Variants in REC8 observed in about 807,000 individuals in gnomAD.
REC8 encodes the protein REC8 meiotic recombination protein.
A neutral mutation model predicts 78.3 loss-of-function variants in REC8; 42 were observed. The observed-to-expected ratio is 0.54, with a 90% confidence interval of 0.42 to 0.69. The LOEUF (loss-of-function observed/expected upper bound fraction) is 0.69, where lower values mean the gene tolerates loss of function less well. REC8 is among the 30% of genes least tolerant of loss of function. The pLI is 0.00. For synonymous variants in REC8, 268 were observed against 274.1 expected (o/e 0.98, Z 0.22); for missense variants, 581 against 715.8 (o/e 0.81, Z 2.15).
intron 8 of REC8, 27 bp downstream of exon 8, chr14:24,177,249 C>G: frequency 6.2e-7 from 1 of 1,612,530 alleles, no homozygotes. Context: ...GCGTAGGGCC[C>G]GCCTGGAGCT....
chr14:24,173,408 T>G lies in REC8; in HGVS notation c.459T>G (p.Pro153=), dbSNP rs1200552990. ...GACTTCCTAGTCCTTTCGATATCCC[T>G]CAGGTAGGGCTCATTCCCCAAGACT... ...DPRLPSPFDI[P]QIRHLLEAAI... The change falls in exon 5 of 19, where the codon CCT becomes CCG. Residue 153 remains proline (P), a synonymous_variant. Transcript: ENST00000611366. The G allele has an allele frequency of 6.2e-7, 1 of 1,613,890 alleles. No homozygotes were observed. Among genetic ancestry groups the G allele is most frequent in the African/African-American group, 1.3e-5 (1 of 74,880 alleles).
At position 24,179,786 on chromosome 14, in the gene REC8, CT is replaced by C; in HGVS notation, c.1452-12del. 6.2e-7 allele frequency: 1 copy of C among 1,613,846 alleles called. No homozygotes were observed. Among genetic ancestry groups the C allele is most frequent in the Non-Finnish European group, 8.5e-7 (1 of 1,179,840 alleles). On this transcript the variant is annotated splice_polypyrimidine_tract_variant and intron_variant, in intron 17 of 18. Transcript: ENST00000611366. The stretch of plus-strand genomic sequence containing the variant: ...CGGGCTGAAGCCTCTGCTAATGGTT[CT>C]TGATCCCTATAGGGCAGTGGCACTG...
At position 24,177,775 on chromosome 14, in the gene REC8, C is replaced by A; in HGVS notation, c.864+17C>A. ...AGCCCAGAGGTGAGTAGCCTCCCTTCTAATCCTCCTCCTCCTCCTCTTTGC... is the reference window on the plus strand; with the variant it reads ...AGCCCAGAGGTGAGTAGCCTCCCTTATAATCCTCCTCCTCCTCCTCTTTGC... On this transcript the variant is annotated intron_variant, in intron 11 of 18. Transcript: ENST00000611366. 2.5e-6 allele frequency: 4 copies of A among 1,584,156 alleles called. No homozygotes were observed.
intron 13 of REC8, 35 bp downstream of exon 13, chr14:24,178,707 C>T (rs775987743): frequency 6.2e-6 from 10 of 1,613,674 alleles, no homozygotes; most frequent in Non-Finnish European, 8.5e-6. Context: ...GAAGTATCCT[C>T]AAAACCAATT....
rs769297310 is a variant in REC8, at chr14:24,173,099, T to C, written c.269-27T>C. The C allele has an allele frequency of 2.5e-6, 4 of 1,613,380 alleles. No homozygotes were observed. The South Asian group carries it at 4.4e-5, about 18-fold the overall frequency. ...CTGAGCAGCTGTCTGCTAAGCTGGC[T>C]GTCTACCTCGTCCTCCCTGCCCACA... On this transcript the variant is annotated intron_variant, in intron 3 of 18. Transcript: ENST00000611366.
Position 24,172,221 on chromosome 14 carries a change from T to G in REC8, c.-332T>G. ...GTGCTCCCTCGGGACCTGCTCTGGATTCCGGCCCGGACGTCCCCTTGGAGC... is the reference window on the plus strand; with the variant it reads ...GTGCTCCCTCGGGACCTGCTCTGGAGTCCGGCCCGGACGTCCCCTTGGAGC... On this transcript the variant is annotated 5_prime_UTR_variant, in exon 1 of 19. Transcript: ENST00000611366. 2.7e-6 allele frequency: 1 copy of G among 365,138 alleles called. No individual in the cohort carries two copies. The highest frequency in any genetic ancestry group is 4.4e-5 in the Admixed American group (1 of 22,742). 22.6% of individuals were successfully genotyped at this position (365,138 alleles called of 1,614,324 possible).
chr14:24,176,656 C>G (rs964677957), intron 6 of REC8, among the ~76,000 whole-genome samples, 166 bp from the exon 7 acceptor site: 2 of 152,186 alleles, frequency 1.3e-5, no homozygotes, highest in Non-Finnish European at 2.9e-5. Flanking sequence ...GAAAGTGAGG[C>G]TCACAGTGGT....
In REC8 at chr14:24,179,689, CCA is replaced by C; in HGVS notation, c.1415_1416del (p.Pro472ArgfsTer21). On this transcript the variant is annotated frameshift_variant, in exon 17 of 19. Coordinates refer to ENST00000611366, the MANE Select transcript of REC8 (RefSeq NM_001048205.2). LOFTEE classifies it high-confidence loss of function. ...CATGGAGATGCCTTTGGTGCTGCCC[CCA>C]GAGCTCGAGCTGCTCTCACTGGAAG... ...VPMEMPLVLP[P>X]ELELLSLEAV... The C allele has an allele frequency of 6.2e-7, 1 of 1,614,242 alleles. No homozygotes were observed. The highest frequency in any genetic ancestry group is 8.5e-7 in the Non-Finnish European group (1 of 1,180,056).
chr14:24,172,605 T>C lies in REC8; in HGVS notation c.53T>C (p.Ile18Thr). 2 of 1,613,436 alleles carry C rather than the reference T, an allele frequency of 1.2e-6. No individual in the cohort carries two copies. Among genetic ancestry groups the C allele is most frequent in the Non-Finnish European group, 1.7e-6 (2 of 1,179,526 alleles). Residue 18 changes from isoleucine (I) to threonine (T), a missense_variant, in exon 1 of 19, where the codon ATC becomes ACC. Coordinates refer to ENST00000611366, the MANE Select transcript of REC8 (RefSeq NM_001048205.2). ...LQRHTGCFAT[I>T]WLAATRGSRL... The stretch of plus-strand genomic sequence containing the variant: ...CGCCACACCGGCTGCTTTGCCACCA[T>C]CTGGTAAGGGCGGGGCCCGTTGGCG...
chr14:24,172,833 A>AT (rs1443009557), intron 2 of REC8, 52 bp downstream of exon 2: 1 of 1,613,756 alleles, frequency 6.2e-7, no homozygotes, highest in Non-Finnish European at 8.5e-7. Flanking sequence ...GAGTTAGGGG[A>AT]TGGGGTGGCC....
rs2039016406 is a variant in REC8, at chr14:24,178,683, T to C, written c.1063+11T>C. 2 of 1,613,958 alleles carry C rather than the reference T, an allele frequency of 1.2e-6. No individual in the cohort carries two copies. Among genetic ancestry groups the C allele is most frequent in the South Asian group, 2.2e-5 (2 of 91,076 alleles). On this transcript the variant is annotated intron_variant, in intron 13 of 18. Transcript: ENST00000611366. Reference sequence around the variant, plus strand: ...GAACCCCAACTCTCTGTAAGAATGGTGGGGGTTGGGCACGAAGTATCCTCA... The same window carrying C: ...GAACCCCAACTCTCTGTAAGAATGGCGGGGGTTGGGCACGAAGTATCCTCA...
At chr14:24,178,309 GGT>G in intron 12 of REC8, 87 bp downstream of exon 12, 1 of 1,207,276 alleles carries the variant, frequency 8.3e-7, no homozygotes, top group Non-Finnish European at 1.2e-6. Flanking sequence ...AAACTCCTCA[GGT>G]GGGTGGGGGG....
chr14:24,176,677 AC>A (rs2038913548), intron 6 of REC8, 144 bp from the exon 7 acceptor site: 2 of 672,664 alleles, frequency 3.0e-6, no homozygotes, highest in African/African-American at 1.8e-5. Flanking sequence ...TAAGCAGTGT[AC>A]CCAGGGTCAG....
Position 24,177,068 on chromosome 14 carries a change from A to C in REC8, c.625-73A>C. The C allele has an allele frequency of 2.0e-6, 3 of 1,485,934 alleles. No individual in the cohort carries two copies. In the Admixed American group the frequency reaches 5.1e-5, roughly 25 times the overall value. 92.0% of individuals were successfully genotyped at this position (1,485,934 alleles called of 1,614,324 possible). A position where few individuals can be genotyped will look rare whatever the true frequency, so the allele number is the denominator to read the frequency against. On this transcript the variant is annotated intron_variant, in intron 7 of 18. Transcript: ENST00000611366. ...GCCCTGTGGCATGCCTCTGGGATCC[A>C]CTCTCCTGGATCCACTTGCCTTTTT...
In REC8 at chr14:24,180,136, T is replaced by C. The variant is rs1370022881; in HGVS notation, c.*41T>C. 1 of 1,614,130 alleles carries C rather than the reference T, an allele frequency of 6.2e-7. No individual in the cohort carries two copies. The highest frequency in any genetic ancestry group is 2.2e-5 in the East Asian group (1 of 44,890). The stretch of plus-strand genomic sequence containing the variant: ...ACAAAGCTGCCAGGAAACCGGCCAC[T>C]TCTAGTAAACCACGTCGTGCCTCAC... On this transcript the variant is annotated 3_prime_UTR_variant, in exon 19 of 19. Transcript: ENST00000611366.
chr14:24,179,637 C>T lies in REC8; in HGVS notation c.1362C>T (p.Pro454=), dbSNP rs11621624. ...EVEAPEAPAL[P]VVPELPEVPM... Reference sequence around the variant, plus strand: ...AGGCGCCAGAAGCTCCTGCATTGCCCGTGGTGCCTGAACTCCCTGAGGTGC... The same window carrying T: ...AGGCGCCAGAAGCTCCTGCATTGCCTGTGGTGCCTGAACTCCCTGAGGTGC... Residue 454 remains proline, a synonymous_variant, in exon 17 of 19, where the codon CCC becomes CCT. Transcript: ENST00000611366. 2.1e-4 allele frequency: 338 copies of T among 1,614,096 alleles called. 1 individual carries two copies. The highest frequency in any genetic ancestry group is 2.6e-4 in the Non-Finnish European group (305 of 1,180,038).
downstream of REC8, chr14:24,180,343 GTC>G: frequency 6.6e-7 from 1 of 1,513,028 alleles, no homozygotes; most frequent in East Asian, 2.4e-5. Context: ...ATGGGTATGA[GTC>G]TCAGAATCTT....
rs774002488 is a variant in REC8 at position 24,173,122 on chromosome 14, A to G, written c.269-4A>G. 1 of 1,613,978 alleles carries G rather than the reference A, an allele frequency of 6.2e-7. No homozygotes were observed. Among genetic ancestry groups the G allele is most frequent in the Non-Finnish European group, 8.5e-7 (1 of 1,180,038 alleles). ...GCTGTCTACCTCGTCCTCCCTGCCC[A>G]CAGAGGACATCCAGCACATCTTGGA... On this transcript the variant is annotated splice_polypyrimidine_tract_variant and splice_region_variant and intron_variant, in intron 3 of 18. Coordinates refer to ENST00000611366, the MANE Select transcript of REC8 (RefSeq NM_001048205.2).
chr14:24,180,613 C>G, downstream of REC8: 2 of 1,611,714 alleles, frequency 1.2e-6, no homozygotes, highest in South Asian at 2.2e-5. Context: ...GCTCCTAAAG[C>G]CTCGCTGCCC....
Sources: gnomAD v4.1 joint callset for allele counts (sites outside exome capture counted in the v4.1 genomes callset) on GRCh38, gnomAD v4.1.1 for gene constraint, MANE v1.5 for transcripts, NCBI Gene and HGNC (gene_info 2026-07-23, HGNC 2026-07-21) for gene names.